The following MFSD6 variants were observed in gnomAD, a reference collection of about 807,000 sequenced individuals.
MFSD6 encodes major facilitator superfamily domain containing 6.
Under a neutral mutation model 56.3 loss-of-function variants are expected in MFSD6, and 26 were observed. That is an observed-to-expected ratio of 0.46 (90% CI 0.34 to 0.64). MFSD6 has a LOEUF of 0.64. MFSD6 is among the 30% of genes least tolerant of loss of function. MFSD6 has a pLI of 0.01. For missense variants in MFSD6, 750 were observed against 986.2 expected (o/e 0.76, Z 3.21); for synonymous variants, 331 against 366.9 (o/e 0.90, Z 1.12).
rs781265628 is a variant in MFSD6 at position 190,437,163 on chromosome 2, C to T, written c.1134C>T (p.Leu378=). Residue 378 remains leucine (L), a synonymous_variant, in exon 3 of 8, where the codon CTC becomes CTT. Coordinates refer to ENST00000392328, the MANE Select transcript of MFSD6 (RefSeq NM_017694.4). The surrounding 1 kb of genome is among the most constrained non-coding windows in gnomAD (Gnocchi z 5.9). ...YQIVFIVFGV[L]MTMALIVATQ... is the part of the protein sequence containing the mutation. ...TCGTCTTCATCGTCTTCGGCGTTCT[C>T]ATGACCATGGCCTTGATCGTTGCCA... The T allele has an allele frequency of 1.9e-6, 3 of 1,614,244 alleles. No homozygotes were observed. The highest frequency in any genetic ancestry group is 2.5e-6 in the Non-Finnish European group (3 of 1,180,048).
chr2:190,422,420 C>T (rs1685653618), intron 2 of MFSD6, among the ~76,000 whole-genome samples: 2 of 152,084 alleles, frequency 1.3e-5, no homozygotes, highest in Non-Finnish European at 2.9e-5. Flanking sequence ...CTTGATTTAT[C>T]CTTTTGTTCT....
chr2:190,446,589 G>C, intron 3 of MFSD6, among the ~76,000 whole-genome samples: 1 of 152,160 alleles, frequency 6.6e-6, no homozygotes, highest in Non-Finnish European at 1.5e-5. Context: ...AAATTTGGGG[G>C]ATCAGAGAGA....
In MFSD6 at chr2:190,434,447, A is replaced by AT. The variant is rs1445521931; in HGVS notation, c.-53-1523dup. 1.3e-5 allele frequency among the ~76,000 whole-genome samples: 2 copies of AT among 151,966 alleles called. No homozygotes were observed. Among genetic ancestry groups the AT allele is most frequent in the African/African-American group, 2.4e-5 (1 of 41,372 alleles). Reference sequence around the variant, plus strand: ...TTTATTTATTTTATTTTATTTATTTATTTTTTTGAGACGGAGTCTCGCTCT... The same window carrying AT: ...TTTATTTATTTTATTTTATTTATTTATTTTTTTTGAGACGGAGTCTCGCTCT... On this transcript the variant is annotated intron_variant, in intron 2 of 7. Transcript: ENST00000392328. This position sits in a 1 kb window ranked among gnomAD's most constrained non-coding sequence, Gnocchi z 4.3.
chr2:190,497,471 C>CCCT lies in MFSD6; in HGVS notation c.1927_1929dup (p.Ser644dup), dbSNP rs1034624003. The CCCT allele has an allele frequency of 6.2e-7, 1 of 1,613,936 alleles. No individual in the cohort carries two copies. The highest frequency in any genetic ancestry group is 1.3e-5 in the African/African-American group (1 of 74,900). ...AATGTTGGCAGAAAGAATTCCTGTT[C>CCCT]CCTCCAGTCCCGTTCCTATAGCAAC... On this transcript the variant is annotated inframe_insertion, in exon 7 of 8. Transcript: ENST00000392328. The surrounding 1 kb of genome is among the most constrained non-coding windows in gnomAD (Gnocchi z 5.2).
At chr2:190,430,700 C>A (rs915252163) in intron 2 of MFSD6, among the ~76,000 whole-genome samples, 1 of 151,488 alleles carries the variant, frequency 6.6e-6, no homozygotes, top group Non-Finnish European at 1.5e-5. Context: ...CATCATGGCC[C>A]GTTCTCAATG....
intron 4 of MFSD6, among the ~76,000 whole-genome samples, chr2:190,478,293 C>T (rs1473716327): frequency 6.6e-6 from 1 of 152,062 alleles, no homozygotes; most frequent in East Asian, 1.9e-4. Flanking sequence ...GGCTCTGTGG[C>T]CAGTTTCCAC....
At chr2:190,428,247 T>C (rs1324211753) in intron 2 of MFSD6, among the ~76,000 whole-genome samples, 1 of 152,248 alleles carries the variant, frequency 6.6e-6, no homozygotes, top group Non-Finnish European at 1.5e-5. Context: ...ATGTATCTGC[T>C]GTAGACAGGT....
rs1212183271 is a variant in MFSD6, at chr2:190,412,525, G to A, written c.-175-2767G>A. Reference sequence around the variant, plus strand: ...TTTCTTCCTCAAACTCAACTAACATGGCATTTCCTTGGGCATAGCATTTTT... The same window carrying A: ...TTTCTTCCTCAAACTCAACTAACATAGCATTTCCTTGGGCATAGCATTTTT... On this transcript the variant is annotated intron_variant, in intron 1 of 7. Coordinates refer to ENST00000392328, the MANE Select transcript of MFSD6 (RefSeq NM_017694.4). This position sits in a 1 kb window ranked among gnomAD's most constrained non-coding sequence, Gnocchi z 4.1. 1.0e-6 allele frequency: 1 copy of A among 985,302 alleles called. No homozygotes were observed. The highest frequency in any genetic ancestry group is 1.2e-6 in the Non-Finnish European group (1 of 829,888). 61.0% of individuals were successfully genotyped at this position (985,302 alleles called of 1,614,324 possible). A position where few individuals can be genotyped will look rare whatever the true frequency, so the allele number is the denominator to read the frequency against.
At chr2:190,479,322 G>A (rs551277668) in intron 4 of MFSD6, among the ~76,000 whole-genome samples, 2 of 152,232 alleles carry the variant, frequency 1.3e-5, no homozygotes, top group East Asian at 3.9e-4. Flanking sequence ...GTAGGCAACT[G>A]GTAATACCAT....
chr2:190,502,001 ATTTATTCCTTTGAAAAGCCTGCTGT>A lies in MFSD6; in HGVS notation c.*1787_*1811del, dbSNP rs2125287721. ...ACTGTATCTTGTGTTTACAGTTCTG[ATTTATTCCTTTGAAAAGCCTGCTGT>A]TTTGGAAATGCACAGTTGACATGTT... On this transcript the variant is annotated 3_prime_UTR_variant, in exon 8 of 8. Transcript: ENST00000392328. This position sits in a 1 kb window ranked among gnomAD's most constrained non-coding sequence, Gnocchi z 4.4. 1 of 152,754 alleles carries A rather than the reference ATTTATTCCTTTGAAAAGCCTGCTGT, an allele frequency of 6.5e-6. No homozygotes were observed. The highest frequency in any genetic ancestry group is 1.5e-5 in the Non-Finnish European group (1 of 68,024). 9.5% of individuals were successfully genotyped at this position (152,754 alleles called of 1,614,324 possible).
upstream of MFSD6, among the ~76,000 whole-genome samples, chr2:190,408,092 G>A (rs967012801): frequency 2.6e-5 from 4 of 151,972 alleles, no homozygotes; most frequent in African/African-American, 7.2e-5. Flanking sequence ...GCTGGAGGCC[G>A]GGAGCGGGCA....
In MFSD6 at chr2:190,485,376, A is replaced by G. The variant is rs1688953031; in HGVS notation, c.1631-3281A>G. Among the ~76,000 whole-genome samples, 3 of 152,220 alleles carry G rather than the reference A, an allele frequency of 2.0e-5. No individual in the cohort carries two copies. Among genetic ancestry groups the G allele is most frequent in the Admixed American group, 2.0e-4 (3 of 15,284 alleles). ...TAACAAGAGGTTTGGCGTCAGCATT[A>G]AAGTTAACCTACTACCATTTGATGT... On this transcript the variant is annotated intron_variant, in intron 4 of 7. Coordinates refer to ENST00000392328, the MANE Select transcript of MFSD6 (RefSeq NM_017694.4). This position sits in a 1 kb window ranked among gnomAD's most constrained non-coding sequence, Gnocchi z 5.1.
rs1687101773 is a variant in MFSD6, at chr2:190,457,432, C to T, written c.1533-12326C>T. ...TGGCCCCCTACCCCCAGGACTCAGA[C>T]TTTGCGTGTTTTTTGCTGACAAGTC... On this transcript the variant is annotated intron_variant, in intron 3 of 7. Transcript: ENST00000392328. The surrounding 1 kb of genome is among the most constrained non-coding windows in gnomAD (Gnocchi z 5.1). Among the ~76,000 whole-genome samples, 2 of 152,212 alleles carry T rather than the reference C, an allele frequency of 1.3e-5. No homozygotes were observed. Among genetic ancestry groups the T allele is most frequent in the Admixed American group, 1.3e-4 (2 of 15,276 alleles).
intron 3 of MFSD6, among the ~76,000 whole-genome samples, chr2:190,441,042 C>T (rs1050437718): frequency 5.3e-5 from 8 of 152,092 alleles, no homozygotes; most frequent in African/African-American, 1.4e-4. Context: ...ACTCTGCAGC[C>T]GGGTGTTCAA....
chr2:190,476,948 G>A (rs1039360914), intron 4 of MFSD6, among the ~76,000 whole-genome samples: 1 of 150,448 alleles, frequency 6.6e-6, no homozygotes, highest in Non-Finnish European at 1.5e-5. Context: ...GCAAACTATT[G>A]TAAGGACAAA....
chr2:190,419,259 G>A (rs933373005), intron 2 of MFSD6, among the ~76,000 whole-genome samples: 5 of 152,202 alleles, frequency 3.3e-5, no homozygotes, highest in African/African-American at 1.2e-4. Flanking sequence ...TGAATACCTA[G>A]ATTCTAACGC....
At chr2:190,477,378 T>TTATTCTGTAGGTATATATTC in intron 4 of MFSD6, 1 of 979,086 alleles carries the variant, frequency 1.0e-6, no homozygotes, top group Non-Finnish European at 1.2e-6. Context: ...AAATAAAGAT[T>TTATTCTGTAGGTATATATTC]TGTATACCTA....
chr2:190,440,524 T>C (rs1167898641), intron 3 of MFSD6, among the ~76,000 whole-genome samples: 1 of 152,248 alleles, frequency 6.6e-6, no homozygotes, highest in Admixed American at 6.5e-5. Flanking sequence ...TATCTTAAGG[T>C]ATCTTCACAT....
rs1301650680 is a variant in MFSD6 at position 190,439,725 on chromosome 2, AT to A, written c.1532+2165del. On this transcript the variant is annotated intron_variant, in intron 3 of 7. Coordinates refer to ENST00000392328, the MANE Select transcript of MFSD6 (RefSeq NM_017694.4). The surrounding 1 kb of genome is among the most constrained non-coding windows in gnomAD (Gnocchi z 5.8). ...AATGTGATGGAAGAAGATGGCTGTTATGGTCATATTGCTCCCAAGAGTCTGT... is the reference window on the plus strand; with the variant it reads ...AATGTGATGGAAGAAGATGGCTGTTAGGTCATATTGCTCCCAAGAGTCTGT... Among the ~76,000 whole-genome samples, 4 of 152,250 alleles carry A rather than the reference AT, an allele frequency of 2.6e-5. No individual in the cohort carries two copies. The highest frequency in any genetic ancestry group is 5.9e-5 in the Non-Finnish European group (4 of 68,048).
Sources: gnomAD v4.1 joint callset for allele counts (sites outside exome capture counted in the v4.1 genomes callset) on GRCh38, gnomAD v4.1.1 for gene constraint, Gnocchi (gnomAD v3.1) non-coding constraint, MANE v1.5 for transcripts, NCBI Gene and HGNC (gene_info 2026-07-23, HGNC 2026-07-21) for gene names.